Variants in ERP44 observed in about 807,000 individuals in gnomAD.
ERP44 encodes the protein endoplasmic reticulum protein 44, also known as endoplasmic reticulum resident protein 44.
In ERP44, 25 loss-of-function variants were observed where a neutral mutation model predicts 53.4. That is an observed-to-expected ratio of 0.47 (90% CI 0.34 to 0.65). The LOEUF is 0.65. Among genes scored for constraint, ERP44 ranks in the 30% least tolerant of loss-of-function variants. ERP44 has a pLI of 0.01. For missense variants in ERP44, 338 were observed against 493.2 expected, an observed-to-expected ratio of 0.69 and a Z score of 2.98; for synonymous variants, 145 against 161.2, an observed-to-expected ratio of 0.90 and a Z score of 0.76.
chr9:100,060,895 T>A (rs1231030317), intron 1 of ERP44, among the ~76,000 whole-genome samples: 4 of 152,224 alleles, frequency 2.6e-5, no homozygotes, highest in African/African-American at 9.6e-5. Flanking sequence ...TGGTGTTTGC[T>A]GCCTGAAGAG....
chr9:100,075,620 C>A (rs1369654592), intron 1 of ERP44, among the ~76,000 whole-genome samples: 1 of 152,222 alleles, frequency 6.6e-6, no homozygotes, highest in African/African-American at 2.4e-5. Flanking sequence ...ATAAATCTGA[C>A]TTAAATTTAG....
intron 4 of ERP44, among the ~76,000 whole-genome samples, chr9:100,028,342 G>T (rs1471378130): frequency 6.6e-6 from 1 of 152,138 alleles, no homozygotes; most frequent in African/African-American, 2.4e-5. Flanking sequence ...GCTGACTGAT[G>T]GGACTTTCTA....
chr9:100,052,614 G>A, intron 3 of ERP44, 82 bp from the exon 4 acceptor site: 1 of 542,772 alleles, frequency 1.8e-6, no homozygotes, highest in Non-Finnish European at 3.3e-6. Flanking sequence ...ACTGACATTT[G>A]ATATAGGCAT....
intron 1 of ERP44, among the ~76,000 whole-genome samples, chr9:100,085,632 GCT>G (rs1554710977): frequency 1.2e-4 from 18 of 152,228 alleles, no homozygotes; most frequent in Non-Finnish European, 2.5e-4. Flanking sequence ...GGGTGCAGTG[GCT>G]CACGCCTGTA....
intron 10 of ERP44, among the ~76,000 whole-genome samples, chr9:99,996,526 C>A (rs1179218554): frequency 2.0e-5 from 2 of 100,800 alleles, no homozygotes; most frequent in Non-Finnish European, 3.7e-5. Context: ...ACAAAGACAC[C>A]ATTATTCTTT....
chr9:100,095,429 T>C (rs568050346), intron 1 of ERP44, among the ~76,000 whole-genome samples: 1 of 152,272 alleles, frequency 6.6e-6, no homozygotes, highest in African/African-American at 2.4e-5. Flanking sequence ...GCCCTTGCTT[T>C]GAACAATGCT....
chr9:100,071,787 T>C (rs192207251), intron 1 of ERP44, among the ~76,000 whole-genome samples: 1 of 152,148 alleles, frequency 6.6e-6, no homozygotes, highest in East Asian at 1.9e-4. Context: ...TGGGCGTGGT[T>C]GCGGATGCCT....
chr9:100,090,144 A>G (rs1177933046), intron 1 of ERP44, among the ~76,000 whole-genome samples: 3 of 152,202 alleles, frequency 2.0e-5, no homozygotes, highest in Non-Finnish European at 2.9e-5. Flanking sequence ...GTTTTCTAAG[A>G]AATTATTTTG....
At chr9:100,062,091 G>A (rs973535029) in intron 1 of ERP44, among the ~76,000 whole-genome samples, 1 of 152,154 alleles carries the variant, frequency 6.6e-6, no homozygotes, top group Non-Finnish European at 1.5e-5. Context: ...TGCGGACACA[G>A]AGATACCAAG....
At chr9:100,027,092 T>C (rs1204359451) in intron 4 of ERP44, among the ~76,000 whole-genome samples, 3 of 152,204 alleles carry the variant, frequency 2.0e-5, no homozygotes, top group African/African-American at 4.8e-5. Context: ...CTGATGGAGT[T>C]TGAATTTTAT....
At chr9:100,082,868 C>T (rs369528191) in intron 1 of ERP44, among the ~76,000 whole-genome samples, 1 of 151,810 alleles carries the variant, frequency 6.6e-6, no homozygotes, top group South Asian at 2.1e-4. Context: ...GAATATATTT[C>T]AAATAAATAT....
intron 1 of ERP44, among the ~76,000 whole-genome samples, chr9:100,089,506 A>G (rs751351758): frequency 2.0e-5 from 3 of 147,870 alleles, no homozygotes; most frequent in Admixed American, 6.8e-5. Flanking sequence ...GCTTGAACCC[A>G]GGAGGCAGAG....
intron 10 of ERP44, among the ~76,000 whole-genome samples, chr9:99,995,307 T>C (rs555544085): frequency 6.6e-6 from 1 of 152,380 alleles, no homozygotes; most frequent in Non-Finnish European, 1.5e-5. Flanking sequence ...GTTTTATTTA[T>C]TCCTTTCAGG....
intron 1 of ERP44, among the ~76,000 whole-genome samples, chr9:100,065,124 G>T (rs1322771594): frequency 6.6e-6 from 1 of 152,182 alleles, no homozygotes; most frequent in African/African-American, 2.4e-5. Flanking sequence ...GCAACTTCTA[G>T]TCCTGCAAGT....
At chr9:100,094,270 G>T (rs1262891618) in intron 1 of ERP44, among the ~76,000 whole-genome samples, 1 of 151,900 alleles carries the variant, frequency 6.6e-6, no homozygotes. Flanking sequence ...CCAAGTGGAG[G>T]GAGAAACAAA....
chr9:99,988,166 A>G (rs1410303106), intron 10 of ERP44, among the ~76,000 whole-genome samples: 2 of 152,222 alleles, frequency 1.3e-5, no homozygotes, highest in African/African-American at 4.8e-5. Context: ...TCTAAAAAAT[A>G]TATACTAATG....
intron 8 of ERP44, among the ~76,000 whole-genome samples, chr9:100,008,459 C>G (rs559139795): frequency 1.1e-4 from 17 of 152,206 alleles, no homozygotes; most frequent in Admixed American, 3.3e-4. Context: ...ATCATTTATT[C>G]TCCCCAACAA....
At chr9:100,040,107 T>C (rs1176940327) in intron 4 of ERP44, among the ~76,000 whole-genome samples, 1 of 152,110 alleles carries the variant, frequency 6.6e-6, no homozygotes, top group Non-Finnish European at 1.5e-5. Context: ...GAAGAACTGA[T>C]ACCAATCCTA....
At chr9:100,031,696 GA>G (rs1358188834) in intron 4 of ERP44, among the ~76,000 whole-genome samples, 4 of 152,012 alleles carry the variant, frequency 2.6e-5, no homozygotes, top group Non-Finnish European at 5.9e-5. Context: ...TTTTTTTTAA[GA>G]GTGCTATGGT....
Sources: gnomAD v4.1 joint callset for allele counts (sites outside exome capture counted in the v4.1 genomes callset) on GRCh38, gnomAD v4.1.1 for gene constraint, MANE v1.5 for transcripts, NCBI Gene and HGNC (gene_info 2026-07-23, HGNC 2026-07-21) for gene names.